Variants in MEIS1 observed in about 807,000 individuals in gnomAD.
MEIS1 encodes the protein Meis homeobox 1.
In MEIS1, 5 loss-of-function variants were observed where a neutral mutation model predicts 50.8. The ratio of observed to expected loss-of-function variants is 0.10; its 90% CI spans 0.05 to 0.21. The LOEUF is 0.21. Among genes scored for constraint, MEIS1 ranks in the 10% least tolerant of loss-of-function variants. MEIS1 has a pLI of 1.00. For missense variants in MEIS1, 318 were observed against 517.3 expected, an observed-to-expected ratio of 0.61 and a Z score of 3.74; for synonymous variants, 176 against 179.3, an observed-to-expected ratio of 0.98 and a Z score of 0.15.
chr2:66,490,741 C>G (rs1441340813), intron 7 of MEIS1, among the ~76,000 whole-genome samples: 2 of 152,026 alleles, frequency 1.3e-5, no homozygotes, highest in Non-Finnish European at 2.9e-5. Context: ...AAAGCCCTGG[C>G]AAGGAGGAGA....
intron 7 of MEIS1, among the ~76,000 whole-genome samples, chr2:66,466,957 A>G (rs1672652500): frequency 6.6e-6 from 1 of 150,942 alleles, no homozygotes; most frequent in Non-Finnish European, 1.5e-5. Flanking sequence ...AAAAAAAAAG[A>G]AAAGAAAGAA....
chr2:66,519,196 C>A lies in MEIS1; in HGVS notation c.888+6902C>A, dbSNP rs577702088. Among the ~76,000 whole-genome samples, 7 of 152,310 alleles carry A rather than the reference C, an allele frequency of 4.6e-5. No individual in the cohort carries two copies. The South Asian group carries it at 1.2e-3, about 27-fold the overall frequency. ...TAGTGGAGTACTTGCACATTGCAACCAAGACCACGTTGCAATGGTCTGTTG... is the reference window on the plus strand; with the variant it reads ...TAGTGGAGTACTTGCACATTGCAACAAAGACCACGTTGCAATGGTCTGTTG... On this transcript the variant is annotated intron_variant, in intron 8 of 12. Coordinates refer to ENST00000272369, the MANE Select transcript of MEIS1 (RefSeq NM_002398.3).
chr2:66,446,858 C>T (rs1202117077), intron 6 of MEIS1, among the ~76,000 whole-genome samples: 1 of 152,226 alleles, frequency 6.6e-6, no homozygotes, highest in Non-Finnish European at 1.5e-5. Context: ...CAGGCCGGGC[C>T]CGGTGCGCTT....
At chr2:66,482,842 T>G (rs899438447) in intron 7 of MEIS1, among the ~76,000 whole-genome samples, 2 of 152,180 alleles carry the variant, frequency 1.3e-5, no homozygotes. Flanking sequence ...CCTGATGCCA[T>G]CTAGTGATAT....
intron 9 of MEIS1, among the ~76,000 whole-genome samples, chr2:66,554,612 CAG>C (rs939942340): frequency 2.0e-5 from 3 of 152,182 alleles, no homozygotes; most frequent in African/African-American, 7.2e-5. Flanking sequence ...ATTTGGGCGA[CAG>C]TGTCCTCTGG....
chr2:66,523,769 G>T (rs1357371168), intron 8 of MEIS1, among the ~76,000 whole-genome samples: 2 of 152,220 alleles, frequency 1.3e-5, no homozygotes. Flanking sequence ...TGGGTAACAT[G>T]TCACGTAGGT....
At chr2:66,468,928 T>G (rs556965202) in intron 7 of MEIS1, among the ~76,000 whole-genome samples, 1 of 152,328 alleles carries the variant, frequency 6.6e-6, no homozygotes, top group South Asian at 2.1e-4. Context: ...AGAGCCTATA[T>G]CATTTCACTC....
chr2:66,568,921 C>G, intron 11 of MEIS1, 129 bp from the exon 12 acceptor site: 2 of 1,094,996 alleles, frequency 1.8e-6, no homozygotes, highest in East Asian at 2.3e-5. Flanking sequence ...AAGCCAGGAT[C>G]TTTATGCACT....
chr2:66,571,435 A>G lies in MEIS1; in HGVS notation c.*227A>G. 1 of 1,605,040 alleles carries G rather than the reference A, an allele frequency of 6.2e-7. No individual in the cohort carries two copies. The highest frequency in any genetic ancestry group is 8.5e-7 in the Non-Finnish European group (1 of 1,176,058). On this transcript the variant is annotated 3_prime_UTR_variant, in exon 13 of 13. Transcript: ENST00000272369. ...GTGATGATGCATGGAGGACCGCCCC[A>G]CCCTGGAATGCCAATGTCAGCATCA...
intron 6 of MEIS1, among the ~76,000 whole-genome samples, chr2:66,458,979 T>A (rs187723066): frequency 6.6e-6 from 1 of 152,268 alleles, no homozygotes; most frequent in East Asian, 1.9e-4. Flanking sequence ...ATAAATAAGA[T>A]GTAGGCCAGG....
intron 6 of MEIS1, chr2:66,443,598 C>T (rs779248170): frequency 5.9e-5 from 9 of 153,132 alleles, no homozygotes; most frequent in Non-Finnish European, 1.0e-4. Context: ...CCTCACTGAA[C>T]ATTGCTTTGT....
chr2:66,484,818 C>G (rs545012463), intron 7 of MEIS1, among the ~76,000 whole-genome samples: 2 of 152,208 alleles, frequency 1.3e-5, no homozygotes, highest in Admixed American at 6.5e-5. Context: ...CCTTGGCCTG[C>G]CAAAGTGCTG....
At chr2:66,478,474 T>C (rs1672943620) in intron 7 of MEIS1, among the ~76,000 whole-genome samples, 1 of 152,244 alleles carries the variant, frequency 6.6e-6, no homozygotes, top group Admixed American at 6.5e-5. Context: ...GATTCTATTT[T>C]TAATCCGTAA....
At chr2:66,470,304 T>C (rs1672735709) in intron 7 of MEIS1, among the ~76,000 whole-genome samples, 1 of 152,202 alleles carries the variant, frequency 6.6e-6, no homozygotes, top group Non-Finnish European at 1.5e-5. Context: ...GCAGGCAGAA[T>C]AGGAAAATGA....
intron 9 of MEIS1, among the ~76,000 whole-genome samples, chr2:66,555,488 C>T (rs1310623975): frequency 6.6e-6 from 1 of 152,174 alleles, no homozygotes; most frequent in Admixed American, 6.5e-5. Flanking sequence ...TCAAAGGAAG[C>T]TCTGTAAGGG....
chr2:66,571,748 G>T lies in MEIS1; in HGVS notation c.*540G>T, dbSNP rs897651356. 5 of 563,680 alleles carry T rather than the reference G, an allele frequency of 8.9e-6. No homozygotes were observed. Among genetic ancestry groups the T allele is most frequent in the African/African-American group, 3.8e-5 (2 of 52,748 alleles). 34.9% of individuals were successfully genotyped at this position (563,680 alleles called of 1,614,324 possible). On this transcript the variant is annotated 3_prime_UTR_variant, in exon 13 of 13. Transcript: ENST00000272369. ...TTAAGAGAACAAAGAGTGAAATATTGTAAATGCTATTATACTGTTATCCAT... is the reference window on the plus strand; with the variant it reads ...TTAAGAGAACAAAGAGTGAAATATTTTAAATGCTATTATACTGTTATCCAT...
chr2:66,449,300 T>C (rs1672227226), intron 6 of MEIS1, among the ~76,000 whole-genome samples: 1 of 152,072 alleles, frequency 6.6e-6, no homozygotes, highest in African/African-American at 2.4e-5. Flanking sequence ...AAATACAGTC[T>C]CCCAATTTAA....
Position 66,502,768 on chromosome 2 carries a change from G to C in MEIS1, c.743-9381G>C, listed in dbSNP as rs185901915. Among the ~76,000 whole-genome samples the C allele has an allele frequency of 1.1e-4, 16 of 152,252 alleles. 1 individual carries two copies. The highest frequency in any genetic ancestry group is 3.9e-4 in the African/African-American group (16 of 41,532). ...AGATACAGAAAGGGAGGTGCTCAGG[G>C]CAATTGCACATAGTTTAACATTTTT... is the stretch of plus-strand genomic sequence containing the variant. On this transcript the variant is annotated intron_variant, in intron 7 of 12. Coordinates refer to ENST00000272369, the MANE Select transcript of MEIS1 (RefSeq NM_002398.3).
chr2:66,499,489 T>G (rs1456664207), intron 7 of MEIS1, among the ~76,000 whole-genome samples: 1 of 151,668 alleles, frequency 6.6e-6, no homozygotes, highest in African/African-American at 2.4e-5. Flanking sequence ...CACTTTACCT[T>G]CCCCCACACC....
Sources: allele counts gnomAD v4.1 joint callset (sites outside exome capture counted in the v4.1 genomes callset), GRCh38; gene constraint gnomAD v4.1.1; transcripts MANE v1.5; gene names NCBI Gene and HGNC (gene_info 2026-07-23, HGNC 2026-07-21).